The following NEGR1 variants were observed in gnomAD, a reference collection of about 807,000 sequenced individuals.
NEGR1 encodes the protein IgLON family member 4.
A neutral mutation model predicts 40.9 loss-of-function variants in NEGR1; 10 were observed. The observed-to-expected ratio is 0.24, with a 90% confidence interval of 0.15 to 0.42. NEGR1 has a LOEUF of 0.42. Ranked by LOEUF, NEGR1 falls within the 10% of genes least tolerant of loss-of-function variation. The probability of loss-of-function intolerance (pLI) is 1.00; values close to 1 mark genes in which losing one functional copy is unlikely to be tolerated. For missense variants in NEGR1, 352 were observed against 438.9 expected (o/e 0.80, Z 1.77); for synonymous variants, 185 against 166.8 (o/e 1.11, Z -0.84).
intron 1 of NEGR1, among the ~76,000 whole-genome samples, chr1:72,134,663 C>A (rs1161285728): frequency 7.1e-6 from 1 of 140,414 alleles, no homozygotes; most frequent in Non-Finnish European, 1.5e-5. Flanking sequence ...TTTTTTTTAA[C>A]TACTCAAAAC....
chr1:71,806,667 C>T (rs1478912073), intron 2 of NEGR1, among the ~76,000 whole-genome samples: 1 of 152,020 alleles, frequency 6.6e-6, no homozygotes, highest in Non-Finnish European at 1.5e-5. Context: ...ATACATTATT[C>T]CATCAAATAC....
chr1:72,051,138 A>C (rs1647056241), intron 1 of NEGR1, among the ~76,000 whole-genome samples: 1 of 151,398 alleles, frequency 6.6e-6, no homozygotes, highest in Non-Finnish European at 1.5e-5. Context: ...TAAATGGCTG[A>C]TGTTTATCCA....
Position 71,935,720 on chromosome 1 carries a change from C to T in NEGR1, c.177-409G>A, listed in dbSNP as rs559337294. On this transcript the variant is annotated intron_variant, in intron 1 of 6. Coordinates refer to ENST00000357731, the MANE Select transcript of NEGR1 (RefSeq NM_173808.3). ...AAGGTCATGATTTAGACTGACCTGACCCAATCTGATACTGAATATAATGTA... is the reference window on the plus strand; with the variant it reads ...AAGGTCATGATTTAGACTGACCTGATCCAATCTGATACTGAATATAATGTA... Among the ~76,000 whole-genome samples, 4 of 152,218 alleles carry T rather than the reference C, an allele frequency of 2.6e-5. No individual in the cohort carries two copies. The South Asian group carries it at 8.3e-4, about 32-fold the overall frequency.
At chr1:71,964,261 C>G (rs1391362234) in intron 1 of NEGR1, among the ~76,000 whole-genome samples, 1 of 152,116 alleles carries the variant, frequency 6.6e-6, no homozygotes, top group Non-Finnish European at 1.5e-5. Context: ...CTTCTCCAAT[C>G]TGGGCTGGCC....
chr1:72,264,738 CCTA>C (rs1233498842), intron 1 of NEGR1, among the ~76,000 whole-genome samples: 1 of 150,278 alleles, frequency 6.7e-6, no homozygotes, highest in Non-Finnish European at 1.5e-5. Context: ...AAATACAGCC[CCTA>C]CTAACTCGTA....
At position 71,929,054 on chromosome 1, in the gene NEGR1, A is replaced by T. The variant is rs575935203; in HGVS notation, c.409+6025T>A. ...ATTTGAGATCACTTTTAGCCAAATT[A>T]TAGAGAGCAAATAATAAGCATTTTC... On this transcript the variant is annotated intron_variant, in intron 2 of 6. Coordinates refer to ENST00000357731, the MANE Select transcript of NEGR1 (RefSeq NM_173808.3). Among the ~76,000 whole-genome samples the T allele has an allele frequency of 1.9e-4, 29 of 152,260 alleles. 1 individual carries two copies. Among genetic ancestry groups the T allele is most frequent in the South Asian group, 6.2e-4 (3 of 4,826 alleles).
At chr1:71,735,731 G>A (rs1295197972) in intron 3 of NEGR1, among the ~76,000 whole-genome samples, 1 of 151,850 alleles carries the variant, frequency 6.6e-6, no homozygotes, top group Non-Finnish European at 1.5e-5. Flanking sequence ...ACGTGCAATA[G>A]ATAAAATATA....
intron 5 of NEGR1, among the ~76,000 whole-genome samples, chr1:71,607,900 G>C (rs147588877): frequency 6.6e-6 from 1 of 152,080 alleles, no homozygotes; most frequent in African/African-American, 2.4e-5. Flanking sequence ...TGTTGGCCAG[G>C]GTGGTCTCTA....
At chr1:71,443,154 T>C (rs1255835622) in intron 6 of NEGR1, among the ~76,000 whole-genome samples, 1 of 152,226 alleles carries the variant, frequency 6.6e-6, no homozygotes. Context: ...ATTATACTTA[T>C]TTATGTATTT....
At chr1:71,768,685 T>C (rs1029286963) in intron 3 of NEGR1, among the ~76,000 whole-genome samples, 2 of 151,944 alleles carry the variant, frequency 1.3e-5, no homozygotes, top group Non-Finnish European at 2.9e-5. Context: ...GAGTAGGACA[T>C]GAGATTTTTA....
rs974884862 is a variant in NEGR1 at position 71,400,050 on chromosome 1, T to A, written c.*7396A>T. 2 of 152,192 alleles carry A rather than the reference T, an allele frequency of 1.3e-5. No homozygotes were observed. The highest frequency in any genetic ancestry group is 2.9e-5 in the Non-Finnish European group (2 of 68,028). The allele number at this position is 152,192 out of a possible 1,614,324, so 9.4% of individuals were successfully genotyped here. On this transcript the variant is annotated 3_prime_UTR_variant, in exon 7 of 7. Coordinates refer to ENST00000357731, the MANE Select transcript of NEGR1 (RefSeq NM_173808.3). The stretch of plus-strand genomic sequence containing the variant: ...GAGGTCTAAGTCTGCTGTGACTTAG[T>A]GTAAAGTTAACTCCTTTTTGAATGT...
At chr1:71,593,821 C>T (rs567210458) in intron 5 of NEGR1, among the ~76,000 whole-genome samples, 1 of 152,312 alleles carries the variant, frequency 6.6e-6, no homozygotes, top group South Asian at 2.1e-4. Context: ...CTTCCTTCCT[C>T]ATTTAGGTCT....
intron 6 of NEGR1, among the ~76,000 whole-genome samples, chr1:71,490,330 T>C (rs965076644): frequency 1.3e-5 from 2 of 152,106 alleles, no homozygotes; most frequent in Admixed American, 1.3e-4. Flanking sequence ...CATGACTCTT[T>C]ACATCGAGTG....
At chr1:71,931,896 A>G (rs1213905311) in intron 2 of NEGR1, among the ~76,000 whole-genome samples, 1 of 152,202 alleles carries the variant, frequency 6.6e-6, no homozygotes, top group Non-Finnish European at 1.5e-5. Context: ...ACTTATAAAC[A>G]AAGAAATTAG....
At chr1:71,562,178 T>C (rs1431231067) in intron 6 of NEGR1, among the ~76,000 whole-genome samples, 1 of 151,782 alleles carries the variant, frequency 6.6e-6, no homozygotes, top group South Asian at 2.1e-4. Context: ...GCAAAGATTA[T>C]CGGGCAAAAT....
At chr1:72,140,638 T>C (rs367773359) in intron 1 of NEGR1, among the ~76,000 whole-genome samples, 38 of 152,076 alleles carry the variant, frequency 2.5e-4, no homozygotes, top group African/African-American at 7.5e-4. Flanking sequence ...CAAAGTAGTA[T>C]GAGCAATATA....
chr1:72,204,206 A>G (rs2100451644), intron 1 of NEGR1, among the ~76,000 whole-genome samples: 1 of 152,192 alleles, frequency 6.6e-6, no homozygotes, highest in East Asian at 1.9e-4. Context: ...ATGGGTGACT[A>G]CATAATACAT....
At chr1:71,500,726 G>A (rs900374818) in intron 6 of NEGR1, among the ~76,000 whole-genome samples, 2 of 152,008 alleles carry the variant, frequency 1.3e-5, no homozygotes, top group African/African-American at 4.8e-5. Context: ...AACAAAATCT[G>A]TGAATGCTCA....
chr1:72,080,979 C>G (rs1647971866), intron 1 of NEGR1, among the ~76,000 whole-genome samples: 1 of 151,790 alleles, frequency 6.6e-6, no homozygotes. Flanking sequence ...GGTATTTCAG[C>G]CTAAGGGACT....
Sources: gnomAD v4.1 joint callset for allele counts (sites outside exome capture counted in the v4.1 genomes callset) on GRCh38, gnomAD v4.1.1 for gene constraint, MANE v1.5 for transcripts, NCBI Gene and HGNC (gene_info 2026-07-23, HGNC 2026-07-21) for gene names.